Variants in ODAD1 observed in about 807,000 individuals in gnomAD.
The protein encoded by ODAD1 is outer dynein arm docking complex subunit 1, also known as outer dynein arm-docking complex subunit 1.
ODAD1 carries 49 observed loss-of-function variants against 67.2 expected under a neutral mutation model. The ratio of observed to expected loss-of-function variants is 0.73; its 90% CI spans 0.58 to 0.92. The LOEUF is 0.92. Ranked by LOEUF, ODAD1 falls within the 40% of genes least tolerant of loss-of-function variation. The probability of loss-of-function intolerance (pLI) is 0.00; values close to 1 mark genes in which losing one functional copy is unlikely to be tolerated. For missense variants in ODAD1, 897 were observed against 953.7 expected (o/e 0.94, Z 0.78); for synonymous variants, 345 against 393.7 (o/e 0.88, Z 1.46).
intron 10 of ODAD1, 138 bp downstream of exon 10, chr19:48,303,512 G>C: frequency 9.4e-7 from 1 of 1,065,966 alleles, no homozygotes; most frequent in Non-Finnish European, 1.4e-6. Flanking sequence ...GACGCGGGCG[G>C]CGGGTCCCAG....
At chr19:48,320,448 G>T in intron 2 of ODAD1, 57 bp from the exon 3 acceptor site, 1 of 1,014,174 alleles carries the variant, frequency 9.9e-7, no homozygotes, top group Non-Finnish European at 1.3e-6. Context: ...GGCCCAGAGA[G>T]GGTGGACAAT....
rs775978204 is a variant in ODAD1 at position 48,318,571 on chromosome 19, T to G, written c.176A>C (p.Glu59Ala). The G allele has an allele frequency of 6.4e-7, 1 of 1,550,508 alleles. No individual in the cohort carries two copies. The highest frequency in any genetic ancestry group is 8.7e-7 in the Non-Finnish European group (1 of 1,146,326). ...CCGTACCTCCTCCAAGCGCCGGATCTCCTCACTACCCAGGCAGGGAGGTGG... is the reference window on the plus strand; with the variant it reads ...CCGTACCTCCTCCAAGCGCCGGATCGCCTCACTACCCAGGCAGGGAGGTGG... ...VHQRINKQLE[E>A]IRRLEEVRGD... Residue 59 changes from glutamate to alanine, a missense_variant, in exon 5 of 16, where the codon GAG becomes GCG. By Grantham distance (107) the Glu-to-Ala change is moderately radical. Coordinates refer to ENST00000674294, the MANE Select transcript of ODAD1 (RefSeq NM_001364171.2).
intron 7 of ODAD1, among the ~76,000 whole-genome samples, chr19:48,308,344 T>A (rs548345870): frequency 6.6e-6 from 1 of 151,864 alleles, no homozygotes; most frequent in South Asian, 2.1e-4. Context: ...CTGGCTAATT[T>A]TTTGTATTTT....
rs750920206 is a variant in ODAD1, at chr19:48,297,106, C to G, written c.1994G>C (p.Gly665Ala). The G allele has an allele frequency of 2.8e-5, 45 of 1,613,484 alleles. No homozygotes were observed. The highest frequency in any genetic ancestry group is 3.4e-5 in the Non-Finnish European group (40 of 1,179,656). ...AGACGCTGTGCCTCCGCTCTCCACACCACCCTCTGTGTTTTCTCCGCCCCT... is the reference window on the plus strand; with the variant it reads ...AGACGCTGTGCCTCCGCTCTCCACAGCACCCTCTGTGTTTTCTCCGCCCCT... ...SSRGGENTEG[G>A]VESGGTASDS... The change falls in exon 16 of 16, where the codon GGT becomes GCT. Residue 665 changes from glycine to alanine, a missense_variant. Physicochemically the swap from Gly to Ala is moderately conservative, Grantham distance 60. Coordinates refer to ENST00000674294, the MANE Select transcript of ODAD1 (RefSeq NM_001364171.2).
In ODAD1 at chr19:48,297,033, G is replaced by A. The variant is rs750363102; in HGVS notation, c.2067C>T (p.Thr689=). The change falls in exon 16 of 16, where the codon ACC becomes ACT. Residue 689 remains threonine (T), a synonymous_variant. Coordinates refer to ENST00000674294, the MANE Select transcript of ODAD1 (RefSeq NM_001364171.2). ...CCGGGCCAGTGCTGGAGGCAGGGCC[G>A]GTGCTGGAGACGTGGTCTCTGCTGG... ...LGSSRDHVSS[T]GPASSTGPGS... The A allele has an allele frequency of 1.3e-5, 21 of 1,612,034 alleles. No individual in the cohort carries two copies. The highest frequency in any genetic ancestry group is 3.3e-5 in the South Asian group (3 of 91,030).
chr19:48,296,895 C>T lies in ODAD1; in HGVS notation c.*81G>A, dbSNP rs1244290865. ...ACTGGGAGAAAAAGACAGAGACCCA[C>T]AAGGCAAACAGGGGAAGTAGAGACA... On this transcript the variant is annotated 3_prime_UTR_variant, in exon 16 of 16. Coordinates refer to ENST00000674294, the MANE Select transcript of ODAD1 (RefSeq NM_001364171.2). 8.9e-6 allele frequency: 13 copies of T among 1,453,130 alleles called. No individual in the cohort carries two copies. The East Asian group carries it at 2.7e-4, about 30-fold the overall frequency. 90.0% of individuals were successfully genotyped at this position (1,453,130 alleles called of 1,614,324 possible).
At chr19:48,298,406 C>T in intron 12 of ODAD1, 66 bp from the exon 13 acceptor site, 1 of 1,527,586 alleles carries the variant, frequency 6.5e-7, no homozygotes, top group Non-Finnish European at 9.0e-7. Context: ...CCTCTCCCCA[C>T]TCAGGTCCTC....
intron 9 of ODAD1, 84 bp from the exon 10 acceptor site, chr19:48,303,868 T>A: frequency 1.3e-6 from 2 of 1,576,704 alleles, no homozygotes; most frequent in South Asian, 2.4e-5. Flanking sequence ...CGAAGTGTGG[T>A]CCCACCTGGG....
chr19:48,301,731 CTGGA>C (rs1418237050), intron 12 of ODAD1, among the ~76,000 whole-genome samples: 4 of 150,864 alleles, frequency 2.7e-5, no homozygotes, highest in Non-Finnish European at 4.4e-5. Context: ...GGGATAGACC[CTGGA>C]TGGATGGATG....
Position 48,297,135 on chromosome 19 carries a change from G to A in ODAD1, c.1965C>T (p.Ser655=). 6.2e-7 allele frequency: 1 copy of A among 1,614,116 alleles called. No individual in the cohort carries two copies. The highest frequency in any genetic ancestry group is 2.2e-5 in the East Asian group (1 of 44,878). The part of the protein sequence containing the change: ...SYLGSTGYVG[S]SRGGENTEGG... ...CCTCTGTGTTTTCTCCGCCCCTGCT[G>A]GACCCCACGTATCCAGTGGAGCCCA... The change falls in exon 16 of 16, where the codon TCC becomes TCT. Residue 655 remains serine, a synonymous_variant. Transcript: ENST00000674294.
intron 5 of ODAD1, among the ~76,000 whole-genome samples, chr19:48,316,147 G>C (rs765933687): frequency 2.2e-4 from 33 of 152,156 alleles, no homozygotes; most frequent in Non-Finnish European, 3.4e-4. Flanking sequence ...GGAAGGCCGA[G>C]GCAGGTGGAT....
At chr19:48,311,107 G>A (rs1968746775) in intron 7 of ODAD1, among the ~76,000 whole-genome samples, 1 of 152,146 alleles carries the variant, frequency 6.6e-6, no homozygotes, top group African/African-American at 2.4e-5. Flanking sequence ...AGCTACTCGG[G>A]AGGCTGATAC....
Position 48,296,668 on chromosome 19 carries a change from G to T in ODAD1, c.*308C>A, listed in dbSNP as rs1200415132. ...ACAGGAGGTGGGGGATCCACAGGGG[G>T]CCAGGGCTCAGCAGACAGGGAAGGG... On this transcript the variant is annotated 3_prime_UTR_variant, in exon 16 of 16. Transcript: ENST00000674294. 3.7e-6 allele frequency: 3 copies of T among 820,788 alleles called. No homozygotes were observed. Among genetic ancestry groups the T allele is most frequent in the Admixed American group, 4.4e-5 (1 of 22,622 alleles). The allele number at this position is 820,788 out of a possible 1,614,324, so 50.8% of individuals were successfully genotyped here. A position where few individuals can be genotyped will look rare whatever the true frequency, so the allele number is the denominator to read the frequency against.
intron 10 of ODAD1, 149 bp downstream of exon 10, chr19:48,303,501 G>T: frequency 1.1e-6 from 1 of 920,160 alleles, no homozygotes; most frequent in Non-Finnish European, 1.6e-6. Context: ...AGACGCCAGT[G>T]GACGCGGGCG....
chr19:48,302,912 G>A lies in ODAD1; in HGVS notation c.1072-50C>T, dbSNP rs563921813. 14 of 1,612,588 alleles carry A rather than the reference G, an allele frequency of 8.7e-6. No homozygotes were observed. The Admixed American group carries it at 2.3e-4, about 27-fold the overall frequency. The stretch of plus-strand genomic sequence containing the variant: ...GGCCAGATGGCAGCCTCGGGAGTTG[G>A]GGGTGTGGAGCTAGGAAGAAGCAGG... On this transcript the variant is annotated intron_variant, in intron 11 of 15. Transcript: ENST00000674294.
intron 7 of ODAD1, among the ~76,000 whole-genome samples, chr19:48,310,942 G>A (rs1236596727): frequency 1.3e-5 from 2 of 152,130 alleles, no homozygotes; most frequent in Non-Finnish European, 2.9e-5. Context: ...GCCGGGTGTG[G>A]TGGCTCACGC....
rs926963427 is a variant in ODAD1 at position 48,296,797 on chromosome 19, C to T, written c.*179G>A. On this transcript the variant is annotated 3_prime_UTR_variant, in exon 16 of 16. Coordinates refer to ENST00000674294, the MANE Select transcript of ODAD1 (RefSeq NM_001364171.2). ...GTGTCAGGAGCAGAGAGAAAGGAAC[C>T]GGGAGACACAGGTGAGGCGGTGATG... 2.0e-5 allele frequency: 28 copies of T among 1,420,846 alleles called. 1 individual carries two copies. The highest frequency in any genetic ancestry group is 1.7e-4 in the South Asian group (11 of 63,100). 88.0% of individuals were successfully genotyped at this position (1,420,846 alleles called of 1,614,324 possible).
chr19:48,313,287 G>C (rs545915371), intron 5 of ODAD1, among the ~76,000 whole-genome samples: 46 of 152,070 alleles, frequency 3.0e-4, no homozygotes, highest in African/African-American at 9.6e-4. Flanking sequence ...AATTAGCAAG[G>C]CGTGGTGGCA....
chr19:48,320,433 G>A, intron 2 of ODAD1, 42 bp from the exon 3 acceptor site: 1 of 1,157,240 alleles, frequency 8.6e-7, no homozygotes, highest in Non-Finnish European at 1.1e-6. Context: ...CAGCAGGCGG[G>A]CCAGGGCCCA....
Sources: allele counts gnomAD v4.1 joint callset (sites outside exome capture counted in the v4.1 genomes callset), GRCh38; gene constraint gnomAD v4.1.1; transcripts MANE v1.5; gene names NCBI Gene and HGNC (gene_info 2026-07-23, HGNC 2026-07-21).